HIGD1A: variants seen among roughly 807,000 people sequenced by gnomAD.
HIGD1A encodes the protein HIG1 hypoxia inducible domain family member 1A, also known as HIG1 domain family member 1A, mitochondrial.
A neutral mutation model predicts 11.3 loss-of-function variants in HIGD1A; 8 were observed. The ratio of observed to expected loss-of-function variants is 0.71; its 90% CI spans 0.42 to 1.28. HIGD1A has a LOEUF of 1.28. Ranked by LOEUF, HIGD1A falls within the 50% of genes most tolerant of loss-of-function variation. The pLI is 0.01. For missense variants in HIGD1A, 107 were observed against 118.8 expected (o/e 0.90, Z 0.46); for synonymous variants, 32 against 38.4 (o/e 0.83, Z 0.62).
At position 42,783,666 on chromosome 3, in the gene HIGD1A, A is replaced by AT. The variant is rs1700309000; in HGVS notation, c.*1604dup. ...AACAGTATAAGAGTAAAATCCAATA[A>AT]TATATCGACCAGAACTGGTTAGTAG... is the stretch of plus-strand genomic sequence containing the variant. On this transcript the variant is annotated 3_prime_UTR_variant, in exon 4 of 4. Transcript: ENST00000321331. 6.6e-6 allele frequency among the ~76,000 whole-genome samples: 1 copy of AT among 152,188 alleles called. No homozygotes were observed. The highest frequency in any genetic ancestry group is 2.4e-5 in the African/African-American group (1 of 41,448).
At chr3:42,802,856 G>A (rs1700584654) in intron 1 of HIGD1A, among the ~76,000 whole-genome samples, 1 of 152,094 alleles carries the variant, frequency 6.6e-6, no homozygotes, top group Admixed American at 6.6e-5. Context: ...TCAATCTTAC[G>A]CTGCTGATGT....
In HIGD1A at chr3:42,786,140, A is replaced by C; in HGVS notation, c.120T>G (p.Ile40Met). 1 of 1,614,142 alleles carries C rather than the reference A, an allele frequency of 6.2e-7. No homozygotes were observed. The highest frequency in any genetic ancestry group is 8.5e-7 in the Non-Finnish European group (1 of 1,179,996). ...VPVGIAGFAA[I>M]VAYGLYKLKS... The stretch of plus-strand genomic sequence containing the variant: ...TCAGTTTATATAATCCATATGCAAC[A>C]ATTGCTGCAAAACCCGCTATTCCTG... Residue 40 changes from isoleucine to methionine, a missense_variant, in exon 3 of 4, where the codon ATT becomes ATG. Coordinates refer to ENST00000321331, the MANE Select transcript of HIGD1A (RefSeq NM_014056.4).
intron 3 of HIGD1A, 124 bp downstream of exon 3, chr3:42,785,904 T>C: frequency 1.2e-6 from 1 of 838,286 alleles, no homozygotes. Flanking sequence ...ATTTTTTACA[T>C]GAAAATGAGT....
At chr3:42,787,594 A>AATATATATATATATATATATAT (rs1163603645) in intron 2 of HIGD1A, among the ~76,000 whole-genome samples, 90 of 141,186 alleles carry the variant, frequency 6.4e-4, no homozygotes, top group African/African-American at 2.2e-3. Context: ...CCATCTCAAA[A>AATATATATATATATATATATAT]ATATATATAT....
chr3:42,783,804 G>A lies in HIGD1A; in HGVS notation c.*1467C>T, dbSNP rs753785409. 1.3e-5 allele frequency among the ~76,000 whole-genome samples: 2 copies of A among 152,078 alleles called. No homozygotes were observed. The highest frequency in any genetic ancestry group is 2.4e-5 in the African/African-American group (1 of 41,404). On this transcript the variant is annotated 3_prime_UTR_variant, in exon 4 of 4. Transcript: ENST00000321331. ...ATTATATGGATAATCAGCTGGGCGT[G>A]GTGGCTCACGCCTGTAATCCTAGCA... is the stretch of plus-strand genomic sequence containing the variant.
chr3:42,794,359 C>T, intron 1 of HIGD1A, 84 bp from the exon 2 acceptor site: 5 of 1,243,912 alleles, frequency 4.0e-6, no homozygotes, highest in African/African-American at 1.6e-5. Flanking sequence ...ATATTCCTAA[C>T]TTCCATGAGA....
In HIGD1A at chr3:42,783,785, T is replaced by C. The variant is rs571413763; in HGVS notation, c.*1486A>G. On this transcript the variant is annotated 3_prime_UTR_variant, in exon 4 of 4. Transcript: ENST00000321331. ...TAAATAGAAGAGTGTTATAATTATA[T>C]GGATAATCAGCTGGGCGTGGTGGCT... is the stretch of plus-strand genomic sequence containing the variant. 2.0e-5 allele frequency among the ~76,000 whole-genome samples: 3 copies of C among 152,044 alleles called. No homozygotes were observed. The highest frequency in any genetic ancestry group is 4.1e-4 in the South Asian group (2 of 4,820).
intron 1 of HIGD1A, among the ~76,000 whole-genome samples, chr3:42,802,658 T>C (rs58045017): frequency 0.33 from 50,450 of 152,044 alleles, 8,698 homozygotes; most frequent in African/African-American, 0.42. Flanking sequence ...AATCATATAA[T>C]TTGAGAGTAA....
intron 2 of HIGD1A, among the ~76,000 whole-genome samples, chr3:42,788,797 G>A (rs1430015843): frequency 6.6e-6 from 1 of 151,648 alleles, no homozygotes. Flanking sequence ...AGAATCACTT[G>A]AACCCAGGAG....
rs780171718 is a variant in HIGD1A, at chr3:42,783,776, A to T, written c.*1495T>A. Among the ~76,000 whole-genome samples, 2 of 152,186 alleles carry T rather than the reference A, an allele frequency of 1.3e-5. No homozygotes were observed. The highest frequency in any genetic ancestry group is 1.3e-4 in the Admixed American group (2 of 15,280). ...GACTGAAAATAAATAGAAGAGTGTT[A>T]TAATTATATGGATAATCAGCTGGGC... On this transcript the variant is annotated 3_prime_UTR_variant, in exon 4 of 4. Transcript: ENST00000321331.
intron 1 of HIGD1A, chr3:42,804,050 T>G: frequency 9.6e-7 from 1 of 1,047,024 alleles, no homozygotes; most frequent in Non-Finnish European, 1.4e-6. Flanking sequence ...CTCTTCAGAA[T>G]GTTCCAAGCT....
intron 2 of HIGD1A, among the ~76,000 whole-genome samples, chr3:42,790,548 AAAC>A (rs1428813839): frequency 6.6e-6 from 1 of 152,234 alleles, no homozygotes. Context: ...AAAGAAAGAA[AAAC>A]AACTAGAACC....
At chr3:42,785,885 C>A in intron 3 of HIGD1A, 143 bp downstream of exon 3, 1 of 757,526 alleles carries the variant, frequency 1.3e-6, no homozygotes, top group African/African-American at 1.8e-5. Context: ...GAATTATCTT[C>A]ATTAATTCAT....
chr3:42,792,766 G>A (rs1239805283), intron 2 of HIGD1A, among the ~76,000 whole-genome samples: 1 of 151,754 alleles, frequency 6.6e-6, no homozygotes, highest in African/African-American at 2.4e-5. Context: ...GATCACCTGA[G>A]ATCAGGAGTT....
At chr3:42,804,319 C>T in intron 1 of HIGD1A, 117 bp downstream of exon 1, 1 of 852,124 alleles carries the variant, frequency 1.2e-6, no homozygotes, top group Non-Finnish European at 1.8e-6. Flanking sequence ...TCATTCGAGA[C>T]ACGGACTCCC....
At chr3:42,788,889 A>C (rs1177714335) in intron 2 of HIGD1A, among the ~76,000 whole-genome samples, 1 of 151,948 alleles carries the variant, frequency 6.6e-6, no homozygotes, top group African/African-American at 2.4e-5. Flanking sequence ...AAACTAAAAA[A>C]TAAAAAAAAA....
intron 1 of HIGD1A, among the ~76,000 whole-genome samples, chr3:42,802,396 G>A (rs1449201963): frequency 1.3e-5 from 2 of 152,144 alleles, no homozygotes; most frequent in Non-Finnish European, 2.9e-5. Context: ...ATCTGTCTGT[G>A]ATTCCAGAAT....
intron 1 of HIGD1A, among the ~76,000 whole-genome samples, chr3:42,804,005 G>A (rs1382693849): frequency 6.6e-6 from 1 of 152,108 alleles, no homozygotes; most frequent in African/African-American, 2.4e-5. Flanking sequence ...CGGAGCGCTC[G>A]CTCTCCTATC....
intron 1 of HIGD1A, chr3:42,804,118 C>T: frequency 2.5e-6 from 4 of 1,569,438 alleles, no homozygotes; most frequent in Non-Finnish European, 3.5e-6. Context: ...ACCCTCCTGG[C>T]CCCCGTCTCT....
Sources: gnomAD v4.1 joint callset for allele counts (sites outside exome capture counted in the v4.1 genomes callset) on GRCh38, gnomAD v4.1.1 for gene constraint, MANE v1.5 for transcripts, NCBI Gene and HGNC (gene_info 2026-07-23, HGNC 2026-07-21) for gene names.